Variants in MED27 observed in about 807,000 individuals in gnomAD.
MED27 encodes mediator of RNA polymerase II transcription subunit 27.
Under a neutral mutation model 38.2 loss-of-function variants are expected in MED27, and 30 were observed. The ratio of observed to expected loss-of-function variants is 0.79; its 90% CI spans 0.59 to 1.07. The LOEUF (loss-of-function observed/expected upper bound fraction) is 1.07. MED27 is among the 50% of genes least tolerant of loss of function. The pLI is 0.00. For missense variants in MED27, 289 were observed against 397.5 expected, an observed-to-expected ratio of 0.73 and a Z score of 2.32; for synonymous variants, 122 against 153.5, an observed-to-expected ratio of 0.79 and a Z score of 1.52.
intron 2 of MED27, among the ~76,000 whole-genome samples, chr9:132,062,568 A>T (rs1385743859): frequency 6.6e-6 from 1 of 152,020 alleles, no homozygotes; most frequent in Non-Finnish European, 1.5e-5. Flanking sequence ...AACGAGCTAC[A>T]TTATGGAGAC....
chr9:131,914,549 C>T lies in MED27; in HGVS notation c.574-20557G>A, dbSNP rs556972538. On this transcript the variant is annotated intron_variant, in intron 4 of 7. Transcript: ENST00000292035. Reference sequence around the variant, plus strand: ...TTGTACACTGAGGATACAGCAGTGACCAAAACAGTCTCTATCCTCACAGAG... The same window carrying T: ...TTGTACACTGAGGATACAGCAGTGATCAAAACAGTCTCTATCCTCACAGAG... Among the ~76,000 whole-genome samples the T allele has an allele frequency of 2.0e-5, 3 of 152,304 alleles. No homozygotes were observed. In the South Asian group the frequency reaches 6.2e-4, roughly 32 times the overall value.
chr9:132,040,554 GT>G (rs1260980003), intron 2 of MED27, among the ~76,000 whole-genome samples: 1 of 152,232 alleles, frequency 6.6e-6, no homozygotes, highest in Non-Finnish European at 1.5e-5. Context: ...AAAGTGTGGT[GT>G]GGAAAACAAA....
chr9:131,958,273 C>G (rs933078146), intron 3 of MED27, among the ~76,000 whole-genome samples: 2 of 147,542 alleles, frequency 1.4e-5, no homozygotes, highest in African/African-American at 5.0e-5. Context: ...GAGATGGAGT[C>G]TTGCTCTGTT....
intron 6 of MED27, chr9:131,868,981 C>A: frequency 1.0e-6 from 1 of 985,464 alleles, no homozygotes; most frequent in Non-Finnish European, 1.2e-6. Context: ...AGGCAAGGCA[C>A]CTAATTAGTT....
rs1832291293 is a variant in MED27 at position 132,003,638 on chromosome 9, C to T, written c.479+10699G>A. On this transcript the variant is annotated intron_variant, in intron 3 of 7. Transcript: ENST00000292035. The surrounding 1 kb of genome is among the most constrained non-coding windows in gnomAD (Gnocchi z 4.2). ...CACAATTGCTGGCACAACATATCCA[C>T]TCTGAGACTTCTACCCTCCCTGTGC... Among the ~76,000 whole-genome samples, 1 of 152,224 alleles carries T rather than the reference C, an allele frequency of 6.6e-6. No homozygotes were observed. Among genetic ancestry groups the T allele is most frequent in the Non-Finnish European group, 1.5e-5 (1 of 68,038 alleles).
In MED27 at chr9:131,997,564, C is replaced by T. The variant is rs1784458757; in HGVS notation, c.479+16773G>A. On this transcript the variant is annotated intron_variant, in intron 3 of 7. Coordinates refer to ENST00000292035, the MANE Select transcript of MED27 (RefSeq NM_004269.4). This position sits in a 1 kb window ranked among gnomAD's most constrained non-coding sequence, Gnocchi z 4.0. Reference sequence around the variant, plus strand: ...GTAGGCTGCCATCTCCCCCAGCAGTCCTGCTTCCTCCCACTTTCTTTCACA... The same window carrying T: ...GTAGGCTGCCATCTCCCCCAGCAGTTCTGCTTCCTCCCACTTTCTTTCACA... Among the ~76,000 whole-genome samples, 1 of 152,214 alleles carries T rather than the reference C, an allele frequency of 6.6e-6. No individual in the cohort carries two copies. Among genetic ancestry groups the T allele is most frequent in the South Asian group, 2.1e-4 (1 of 4,838 alleles).
At chr9:132,038,419 C>T (rs1833131329) in intron 2 of MED27, among the ~76,000 whole-genome samples, 1 of 151,890 alleles carries the variant, frequency 6.6e-6, no homozygotes, top group Non-Finnish European at 1.5e-5. Flanking sequence ...GTCTCGATCT[C>T]CTGACCTCGT....
chr9:131,865,217 C>T (rs547749656), intron 6 of MED27, among the ~76,000 whole-genome samples: 35 of 152,290 alleles, frequency 2.3e-4, no homozygotes, highest in African/African-American at 8.4e-4. Context: ...CTTATTCCTT[C>T]GAATGCCAAG....
At chr9:131,905,734 A>AAC (rs751226482) in intron 4 of MED27, among the ~76,000 whole-genome samples, 10 of 28,160 alleles carry the variant, frequency 3.6e-4, no homozygotes, top group African/African-American at 5.0e-4. Flanking sequence ...AAAACAGAAA[A>AAC]AGAAAAAGAA....
At chr9:131,914,423 T>A (rs1243944216) in intron 4 of MED27, among the ~76,000 whole-genome samples, 2 of 152,212 alleles carry the variant, frequency 1.3e-5, no homozygotes, top group African/African-American at 2.4e-5. Flanking sequence ...CTCTGAGGGC[T>A]GCTGTGAGAT....
chr9:132,073,405 TAC>T (rs1833983497), intron 2 of MED27: 3 of 1,068,182 alleles, frequency 2.8e-6, no homozygotes, highest in Admixed American at 5.2e-5. Flanking sequence ...ACTGAATGAT[TAC>T]AGTGTACCAG....
chr9:132,014,722 CCAA>C (rs61362170), intron 2 of MED27, among the ~76,000 whole-genome samples: 22,957 of 152,074 alleles, frequency 0.15, 1,814 homozygotes, highest in East Asian at 0.31. Flanking sequence ...GTCGGAATGT[CCAA>C]CAACTGACTG....
At chr9:131,890,691 C>A (rs186256862) in intron 5 of MED27, among the ~76,000 whole-genome samples, 1 of 152,196 alleles carries the variant, frequency 6.6e-6, no homozygotes, top group African/African-American at 2.4e-5. Context: ...TACAGACAGA[C>A]AGTCACACGA....
chr9:131,969,467 T>C (rs1831427543), intron 3 of MED27, among the ~76,000 whole-genome samples: 1 of 150,944 alleles, frequency 6.6e-6, no homozygotes, highest in African/African-American at 2.5e-5. Context: ...CGTAACATTT[T>C]AGAAAAAGAT....
intron 2 of MED27, among the ~76,000 whole-genome samples, chr9:132,062,065 G>A (rs964817285): frequency 6.6e-6 from 1 of 152,152 alleles, no homozygotes; most frequent in Non-Finnish European, 1.5e-5. Flanking sequence ...GCAGAAAAGT[G>A]GGCCTGGAAT....
At chr9:132,065,824 T>C (rs1478376930) in intron 2 of MED27, among the ~76,000 whole-genome samples, 1 of 152,262 alleles carries the variant, frequency 6.6e-6, no homozygotes, top group Admixed American at 6.5e-5. Flanking sequence ...GAAAAGGCAG[T>C]ACCTTAATGG....
At chr9:131,925,736 G>A (rs2131558115) in intron 4 of MED27, among the ~76,000 whole-genome samples, 1 of 152,338 alleles carries the variant, frequency 6.6e-6, no homozygotes, top group South Asian at 2.1e-4. Context: ...CTCCAAAACA[G>A]GAGAGAGAAT....
intron 2 of MED27, among the ~76,000 whole-genome samples, chr9:132,038,950 C>G (rs958867186): frequency 6.6e-6 from 1 of 152,202 alleles, no homozygotes. Flanking sequence ...AGAGAACAGG[C>G]AGCAGAGCGG....
chr9:131,956,550 C>A (rs1266914164), intron 3 of MED27, among the ~76,000 whole-genome samples: 1 of 149,254 alleles, frequency 6.7e-6, no homozygotes, highest in Non-Finnish European at 1.5e-5. Context: ...CAGAAGGCAG[C>A]AGTTGCAGTG....
Sources: allele counts gnomAD v4.1 joint callset (sites outside exome capture counted in the v4.1 genomes callset), GRCh38; gene constraint gnomAD v4.1.1; non-coding constraint Gnocchi (gnomAD v3.1); transcripts MANE v1.5; gene names NCBI Gene and HGNC (gene_info 2026-07-23, HGNC 2026-07-21).